MOB3B: variants seen among roughly 807,000 people sequenced by gnomAD.
MOB3B encodes MOB kinase activator-like 2B.
MOB3B carries 7 observed loss-of-function variants against 18.7 expected under a neutral mutation model. That is an observed-to-expected ratio of 0.37 (90% CI 0.21 to 0.70). MOB3B has a LOEUF of 0.70. Among genes scored for constraint, MOB3B ranks in the 30% least tolerant of loss-of-function variants. The pLI, the probability that MOB3B is intolerant of heterozygous loss-of-function variation, is 0.52. For missense variants in MOB3B, 253 were observed against 281.3 expected, an observed-to-expected ratio of 0.90 and a Z score of 0.72; for synonymous variants, 111 against 99.9, an observed-to-expected ratio of 1.11 and a Z score of -0.66.
intron 1 of MOB3B, among the ~76,000 whole-genome samples, chr9:27,508,712 T>A (rs1268499085): frequency 6.6e-6 from 1 of 152,172 alleles, no homozygotes; most frequent in African/African-American, 2.4e-5. Flanking sequence ...CAAAAGACTA[T>A]GCTGACTTTA....
At chr9:27,349,167 T>A (rs1169222455) in intron 3 of MOB3B, among the ~76,000 whole-genome samples, 1 of 152,260 alleles carries the variant, frequency 6.6e-6, no homozygotes, top group African/African-American at 2.4e-5. Flanking sequence ...CTAATTAGTA[T>A]TATGTTCCAG....
At chr9:27,424,947 T>C (rs1455474352) in intron 2 of MOB3B, among the ~76,000 whole-genome samples, 1 of 152,184 alleles carries the variant, frequency 6.6e-6, no homozygotes, top group Non-Finnish European at 1.5e-5. Flanking sequence ...ACAGCTGCAT[T>C]CTGCTCTAGG....
intron 2 of MOB3B, among the ~76,000 whole-genome samples, chr9:27,436,444 C>T (rs149728678): frequency 3.9e-5 from 6 of 152,294 alleles, no homozygotes; most frequent in African/African-American, 1.2e-4. Context: ...AGGTCATGCA[C>T]GTTTTGTTTC....
intron 2 of MOB3B, among the ~76,000 whole-genome samples, chr9:27,394,889 G>A (rs768574532): frequency 6.6e-6 from 1 of 152,164 alleles, no homozygotes; most frequent in Non-Finnish European, 1.5e-5. Flanking sequence ...TATATTTCAT[G>A]TATTGAGAGT....
chr9:27,341,589 C>A (rs1820941998), intron 3 of MOB3B, among the ~76,000 whole-genome samples: 1 of 152,194 alleles, frequency 6.6e-6, no homozygotes, highest in South Asian at 2.1e-4. Context: ...AATGAGATCT[C>A]TTGCTAGAAG....
intron 2 of MOB3B, among the ~76,000 whole-genome samples, chr9:27,450,523 A>G (rs1455016129): frequency 6.6e-6 from 1 of 152,228 alleles, no homozygotes; most frequent in Non-Finnish European, 1.5e-5. Context: ...ATCAAAAAAA[A>G]GAATCCTTTA....
chr9:27,365,320 A>G (rs1255188523), intron 2 of MOB3B, among the ~76,000 whole-genome samples: 3 of 151,666 alleles, frequency 2.0e-5, no homozygotes, highest in African/African-American at 7.3e-5. Flanking sequence ...TGGAAAGGAA[A>G]AACTCTGAAA....
In MOB3B at chr9:27,504,760, A is replaced by G. The variant is rs1820034521; in HGVS notation, c.-199+24795T>C. Among the ~76,000 whole-genome samples the G allele has an allele frequency of 2.0e-5, 3 of 152,226 alleles. No individual in the cohort carries two copies. The South Asian group carries it at 6.2e-4, about 32-fold the overall frequency. On this transcript the variant is annotated intron_variant, in intron 1 of 3. Coordinates refer to ENST00000262244, the MANE Select transcript of MOB3B (RefSeq NM_024761.5). ...ATTATTCATTTCCCACCCCTACTGT[A>G]ACACATTACCACAAACTTAGTGGCT...
At chr9:27,488,488 G>A (rs1819764249) in intron 1 of MOB3B, among the ~76,000 whole-genome samples, 1 of 152,116 alleles carries the variant, frequency 6.6e-6, no homozygotes, top group African/African-American at 2.4e-5. Flanking sequence ...GCTTACTGCA[G>A]CCTCTGCCTC....
intron 1 of MOB3B, among the ~76,000 whole-genome samples, chr9:27,500,608 TAAA>T (rs1208369655): frequency 1.6e-4 from 24 of 152,162 alleles, no homozygotes; most frequent in Non-Finnish European, 3.5e-4. Context: ...CAAGATGGAT[TAAA>T]GACTTAAACA....
chr9:27,344,090 A>T (rs1019022556), intron 3 of MOB3B, among the ~76,000 whole-genome samples: 1 of 147,626 alleles, frequency 6.8e-6, no homozygotes, highest in African/African-American at 2.7e-5. Context: ...TACCACAATT[A>T]AAAAAATTTA....
At chr9:27,338,220 C>G (rs570038831) in intron 3 of MOB3B, among the ~76,000 whole-genome samples, 1 of 152,212 alleles carries the variant, frequency 6.6e-6, no homozygotes, top group African/African-American at 2.4e-5. Flanking sequence ...CATCTTTGCA[C>G]ACTTGTTCCT....
At chr9:27,495,258 G>A (rs1489188713) in intron 1 of MOB3B, among the ~76,000 whole-genome samples, 2 of 152,030 alleles carry the variant, frequency 1.3e-5, no homozygotes, top group African/African-American at 4.8e-5. Context: ...TTGAGCCCTG[G>A]AAGTCAAGGC....
intron 2 of MOB3B, chr9:27,378,345 CAT>C (rs777416740): frequency 2.1e-6 from 1 of 471,488 alleles, no homozygotes; most frequent in Non-Finnish European, 4.4e-6. Flanking sequence ...AAAAGGGACA[CAT>C]ATTGCTGCTC....
Position 27,409,403 on chromosome 9 carries a change from A to G in MOB3B, c.418+45730T>C, listed in dbSNP as rs566670622. Reference sequence around the variant, plus strand: ...TGAGATACCATTTCATACCATTAGAATGGTTACTATCAAGAAGATAAAAAA... The same window carrying G: ...TGAGATACCATTTCATACCATTAGAGTGGTTACTATCAAGAAGATAAAAAA... On this transcript the variant is annotated intron_variant, in intron 2 of 3. Coordinates refer to ENST00000262244, the MANE Select transcript of MOB3B (RefSeq NM_024761.5). Among the ~76,000 whole-genome samples the G allele has an allele frequency of 7.9e-5, 12 of 152,338 alleles. No individual in the cohort carries two copies. In the South Asian group the frequency reaches 2.5e-3, roughly 32 times the overall value.
chr9:27,371,200 G>A (rs1288914293), intron 2 of MOB3B, among the ~76,000 whole-genome samples: 3 of 152,238 alleles, frequency 2.0e-5, no homozygotes, highest in Non-Finnish European at 4.4e-5. Context: ...GGAGGTGGGG[G>A]CAAGGGAGAA....
chr9:27,410,156 A>G (rs559405199), intron 2 of MOB3B, among the ~76,000 whole-genome samples: 31 of 152,370 alleles, frequency 2.0e-4, no homozygotes, highest in African/African-American at 7.5e-4. Context: ...AATCGATCCA[A>G]GAACAAGAAG....
chr9:27,378,884 G>A, intron 2 of MOB3B: 1 of 375,306 alleles, frequency 2.7e-6, no homozygotes, highest in Non-Finnish European at 5.4e-6. Flanking sequence ...GGGCCACAAA[G>A]CTAACAAGTG....
intron 2 of MOB3B, among the ~76,000 whole-genome samples, chr9:27,384,586 C>T (rs759072878): frequency 6.6e-6 from 1 of 152,180 alleles, no homozygotes; most frequent in Admixed American, 6.5e-5. Context: ...TCTTCCAGAA[C>T]AATTCTTCCA....
Sources: allele counts gnomAD v4.1 joint callset (sites outside exome capture counted in the v4.1 genomes callset), GRCh38; gene constraint gnomAD v4.1.1; transcripts MANE v1.5; gene names NCBI Gene and HGNC (gene_info 2026-07-23, HGNC 2026-07-21).